Variants in PLCB4 observed in about 807,000 individuals in gnomAD.
PLCB4 encodes phospholipase C beta 4.
A neutral mutation model predicts 178.8 loss-of-function variants in PLCB4; 77 were observed. The ratio of observed to expected loss-of-function variants is 0.43; its 90% confidence interval spans 0.36 to 0.52. The LOEUF is 0.52. Among genes scored for constraint, PLCB4 ranks in the 20% least tolerant of loss-of-function variants. The pLI is 0.00. For synonymous variants in PLCB4, 496 were observed against 490.8 expected (o/e 1.01, Z -0.14); for missense variants, 1,024 against 1,453.4 (o/e 0.70, Z 4.80).
At position 9,242,314 on chromosome 20, in the gene PLCB4, CAGAA is replaced by C. The variant is rs746332552; in HGVS notation, c.-16+24866_-16+24869del. On this transcript the variant is annotated intron_variant, in intron 3 of 39. Coordinates refer to ENST00000378473, the MANE Select transcript of PLCB4 (RefSeq NM_001377142.1). ...AGTGGAGGAAGTTCAGAGAATAAAA[CAGAA>C]AGAGTCATTATGAAGAGATCAGCTT... is the stretch of plus-strand genomic sequence containing the variant. 3.2e-4 allele frequency among the ~76,000 whole-genome samples: 49 copies of C among 152,272 alleles called. 1 individual carries two copies. The highest frequency in any genetic ancestry group is 5.3e-4 in the Non-Finnish European group (36 of 67,998).
At chr20:9,102,984 C>T (rs2091224398) in intron 2 of PLCB4, among the ~76,000 whole-genome samples, 2 of 151,978 alleles carry the variant, frequency 1.3e-5, no homozygotes, top group Non-Finnish European at 2.9e-5. Flanking sequence ...TATACTCACT[C>T]CTACTGCCTT....
At chr20:9,366,297 T>C (rs1357209067) in intron 9 of PLCB4, among the ~76,000 whole-genome samples, 1 of 148,378 alleles carries the variant, frequency 6.7e-6, no homozygotes, top group Admixed American at 6.9e-5. Flanking sequence ...ACTGGGAGGC[T>C]GAGGCAGGAG....
chr20:9,361,514 T>C (rs985483760), intron 7 of PLCB4, among the ~76,000 whole-genome samples: 3 of 152,130 alleles, frequency 2.0e-5, no homozygotes, highest in Non-Finnish European at 4.4e-5. Flanking sequence ...TTAATGGATA[T>C]GGAGTTTCAG....
chr20:9,339,070 C>T (rs1204708797), intron 7 of PLCB4, 33 bp downstream of exon 7: 1 of 1,558,872 alleles, frequency 6.4e-7, no homozygotes. Context: ...CTTCTCTTCC[C>T]CACCATGTAT....
chr20:9,351,529 CTATT>C lies in PLCB4; in HGVS notation c.370-11361_370-11358del, dbSNP rs1165740474. Among the ~76,000 whole-genome samples, 5 of 152,150 alleles carry C rather than the reference CTATT, an allele frequency of 3.3e-5. No homozygotes were observed. The South Asian group carries it at 1.0e-3, about 32-fold the overall frequency. On this transcript the variant is annotated intron_variant, in intron 7 of 39. Transcript: ENST00000378473. ...TTTATTCATATTTACCATAAATATT[CTATT>C]TATTTTCCCTGTTTTTCCACTTCCA...
At chr20:9,338,101 G>A (rs773160778) in intron 6 of PLCB4, 34 bp downstream of exon 6, 25 of 1,416,430 alleles carry the variant, frequency 1.8e-5, no homozygotes, top group African/African-American at 7.0e-5. Flanking sequence ...TTCTAAACAC[G>A]GATTTACTTA....
intron 3 of PLCB4, among the ~76,000 whole-genome samples, chr20:9,261,794 T>C (rs937329369): frequency 6.6e-6 from 1 of 152,176 alleles, no homozygotes; most frequent in Non-Finnish European, 1.5e-5. Context: ...ACATTGTTAA[T>C]GAGAACAGAC....
chr20:9,467,349 G>A (rs1227405876), intron 35 of PLCB4, among the ~76,000 whole-genome samples: 2 of 152,172 alleles, frequency 1.3e-5, no homozygotes, highest in Admixed American at 1.3e-4. Flanking sequence ...GATGGGTGCA[G>A]CAAACCAACA....
intron 2 of PLCB4, among the ~76,000 whole-genome samples, chr20:9,168,443 C>T (rs762306524): frequency 1.3e-5 from 2 of 152,194 alleles, no homozygotes; most frequent in African/African-American, 2.4e-5. Flanking sequence ...AATTGAGACT[C>T]GGTCTGTGGG....
intron 2 of PLCB4, among the ~76,000 whole-genome samples, chr20:9,204,203 CAT>C (rs1461887465): frequency 6.6e-6 from 1 of 151,802 alleles, no homozygotes; most frequent in Non-Finnish European, 1.5e-5. Flanking sequence ...GCCCAGTTTA[CAT>C]AGTTTCTGAA....
At chr20:9,242,514 T>C (rs1474807247) in intron 3 of PLCB4, among the ~76,000 whole-genome samples, 1 of 152,196 alleles carries the variant, frequency 6.6e-6, no homozygotes, top group Non-Finnish European at 1.5e-5. Flanking sequence ...TCTGGGGGAA[T>C]CTAACCAATA....
chr20:9,421,584 A>G (rs2040641336), intron 27 of PLCB4, 123 bp downstream of exon 27: 1 of 752,704 alleles, frequency 1.3e-6, no homozygotes, highest in African/African-American at 1.7e-5. Flanking sequence ...CTCTTCTCCT[A>G]ATGGCTAACT....
intron 20 of PLCB4, among the ~76,000 whole-genome samples, chr20:9,403,421 GT>G (rs2039192003): frequency 1.3e-5 from 2 of 152,116 alleles, no homozygotes; most frequent in Non-Finnish European, 2.9e-5. Context: ...AAAGAGAACA[GT>G]GTTAACAGAA....
At chr20:9,416,937 A>G (rs1034874110) in intron 25 of PLCB4, among the ~76,000 whole-genome samples, 1 of 152,186 alleles carries the variant, frequency 6.6e-6, no homozygotes, top group Non-Finnish European at 1.5e-5. Flanking sequence ...TTCAAAACTA[A>G]GAAAAGTGAC....
At chr20:9,111,834 A>G (rs575660587) in intron 2 of PLCB4, among the ~76,000 whole-genome samples, 12 of 152,340 alleles carry the variant, frequency 7.9e-5, no homozygotes, top group Non-Finnish European at 1.2e-4. Context: ...TTTCTTCCAT[A>G]CAGAAATAAT....
intron 3 of PLCB4, among the ~76,000 whole-genome samples, chr20:9,289,217 A>G (rs2094559755): frequency 6.6e-6 from 1 of 152,166 alleles, no homozygotes; most frequent in African/African-American, 2.4e-5. Context: ...AGGCAGCAAC[A>G]TTGATTTTAT....
intron 2 of PLCB4, among the ~76,000 whole-genome samples, chr20:9,203,803 T>TTC (rs1386787436): frequency 2.0e-4 from 27 of 137,364 alleles, no homozygotes; most frequent in African/African-American, 7.0e-4. Flanking sequence ...TTTTTTTTTT[T>TTC]CCCATTTCTT....
At chr20:9,215,305 A>C (rs2093717929) in intron 2 of PLCB4, among the ~76,000 whole-genome samples, 1 of 152,180 alleles carries the variant, frequency 6.6e-6, no homozygotes, top group Admixed American at 6.5e-5. Flanking sequence ...TGTAAGATTG[A>C]AAATCTGGTA....
At chr20:9,163,639 G>T (rs1481908842) in intron 2 of PLCB4, among the ~76,000 whole-genome samples, 3 of 151,518 alleles carry the variant, frequency 2.0e-5, no homozygotes, top group African/African-American at 4.9e-5. Flanking sequence ...TATGCTTATA[G>T]ATTTATTCAC....
Sources: gnomAD v4.1 joint callset for allele counts (sites outside exome capture counted in the v4.1 genomes callset) on GRCh38, gnomAD v4.1.1 for gene constraint, MANE v1.5 for transcripts, NCBI Gene and HGNC (gene_info 2026-07-23, HGNC 2026-07-21) for gene names.